Variants in DHX57 observed in about 807,000 individuals in gnomAD.
DHX57 encodes DExH-box helicase 57.
DHX57 carries 105 observed loss-of-function variants against 156.2 expected under a neutral mutation model. That is an observed-to-expected ratio of 0.67 (90% CI 0.57 to 0.79). The LOEUF (loss-of-function observed/expected upper bound fraction) is 0.79. DHX57 is among the 30% of genes least tolerant of loss of function. DHX57 has a pLI of 0.00. For missense variants in DHX57, 1,847 were observed against 1,661.9 expected, an observed-to-expected ratio of 1.11 and a Z score of -1.94; for synonymous variants, 704 against 595.6, an observed-to-expected ratio of 1.18 and a Z score of -2.65.
At chr2:38,846,616 C>CA (rs11377588) in intron 11 of DHX57, among the ~76,000 whole-genome samples, 43,564 of 113,472 alleles carry the variant, frequency 0.38, 7,115 homozygotes, top group Admixed American at 0.43. Flanking sequence ...GACTCTATCT[C>CA]AAAAAAAAAA....
At chr2:38,814,861 T>G (rs1670445717) in intron 20 of DHX57, among the ~76,000 whole-genome samples, 1 of 151,680 alleles carries the variant, frequency 6.6e-6, no homozygotes, top group Non-Finnish European at 1.5e-5. Flanking sequence ...TAGCTGGGAT[T>G]ACAGGCATGT....
At chr2:38,840,146 T>A (rs1327525163) in intron 12 of DHX57, among the ~76,000 whole-genome samples, 1 of 152,088 alleles carries the variant, frequency 6.6e-6, no homozygotes, top group Non-Finnish European at 1.5e-5. Flanking sequence ...GGCAGCACCA[T>A]GTTGCCCAGG....
At chr2:38,803,945 C>T (rs763585226) in intron 22 of DHX57, among the ~76,000 whole-genome samples, 11 of 151,696 alleles carry the variant, frequency 7.3e-5, no homozygotes, top group South Asian at 4.2e-4. Flanking sequence ...TCACACCTGG[C>T]GAATTTTTGT....
intron 8 of DHX57, 105 bp from the exon 9 acceptor site, chr2:38,854,283 A>G (rs1469268038): frequency 1.7e-6 from 2 of 1,192,160 alleles, no homozygotes; most frequent in African/African-American, 3.1e-5. Context: ...TATTGGAAAC[A>G]CCAGCAGTTC....
chr2:38,845,248 G>A (rs1420206390), intron 11 of DHX57, among the ~76,000 whole-genome samples: 1 of 151,816 alleles, frequency 6.6e-6, no homozygotes, highest in African/African-American at 2.4e-5. Context: ...TATTCTGGAA[G>A]CAGTGAGTTT....
chr2:38,853,960 C>T, intron 9 of DHX57, 94 bp downstream of exon 9: 2 of 1,248,956 alleles, frequency 1.6e-6, no homozygotes, highest in Non-Finnish European at 2.2e-6. Flanking sequence ...CCATTACTAG[C>T]TGCATGAAAC....
intron 2 of DHX57, 76 bp from the exon 3 acceptor site, chr2:38,863,595 A>T (rs955928010): frequency 7.5e-7 from 1 of 1,334,860 alleles, no homozygotes; most frequent in Non-Finnish European, 1.0e-6. Context: ...GGGTCCCCAG[A>T]TATACACAAT....
chr2:38,822,674 C>T (rs1424580110), intron 17 of DHX57, among the ~76,000 whole-genome samples: 3 of 152,200 alleles, frequency 2.0e-5, no homozygotes, highest in African/African-American at 4.8e-5. Flanking sequence ...GGATTACAGG[C>T]ATAAGCCACC....
rs79063897 is a variant in DHX57 at position 38,871,314 on chromosome 2, G to A, written c.-6-2903C>T. Among the ~76,000 whole-genome samples the A allele has an allele frequency of 2.6e-5, 4 of 152,260 alleles. No individual in the cohort carries two copies. In the East Asian group the frequency reaches 7.7e-4, roughly 29 times the overall value. ...GTATGTAATATATTTGCCAATAACA[G>A]CACAAAGAAGATTGGTGGGAGCGTA... On this transcript the variant is annotated intron_variant, in intron 1 of 23. Transcript: ENST00000457308.
At chr2:38,813,463 C>A (rs534940127) in intron 21 of DHX57, among the ~76,000 whole-genome samples, 1 of 151,318 alleles carries the variant, frequency 6.6e-6, no homozygotes, top group East Asian at 2.0e-4. Flanking sequence ...CTCCGACTCC[C>A]GGGTTCATGC....
chr2:38,836,972 C>T (rs1292870688), intron 13 of DHX57, among the ~76,000 whole-genome samples: 2 of 152,076 alleles, frequency 1.3e-5, no homozygotes, highest in Admixed American at 6.5e-5. Context: ...CCCACTCCAA[C>T]CCCTTGCTGG....
Position 38,847,032 on chromosome 2 carries a change from T to C in DHX57, c.2206A>G (p.Ile736Val), listed in dbSNP as rs991117219. Residue 736 changes from isoleucine to valine, a missense_variant, in exon 11 of 24, where the codon ATT becomes GTT. By Grantham distance (29) the Ile-to-Val change is conservative. Transcript: ENST00000457308. ...TATCTTCCTTACCTTGTCACAGCAA[T>C]TGCATCTTCCAAAAAAAATTGATCA... ...PVDQFFLEDAIAVTRYVLQDG... is the reference protein window; with the variant it reads ...PVDQFFLEDAVAVTRYVLQDG... 4.3e-6 allele frequency: 7 copies of C among 1,613,156 alleles called. No homozygotes were observed. Among genetic ancestry groups the C allele is most frequent in the Admixed American group, 3.3e-5 (2 of 59,950 alleles).
At chr2:38,856,566 C>G (rs1487283998) in intron 6 of DHX57, 105 bp from the exon 7 acceptor site, 5 of 1,377,550 alleles carry the variant, frequency 3.6e-6, no homozygotes, top group African/African-American at 1.5e-5. Context: ...TGCAGTGGTG[C>G]GATCACGGCT....
intron 12 of DHX57, among the ~76,000 whole-genome samples, chr2:38,840,544 C>T (rs1295248537): frequency 6.7e-6 from 1 of 149,970 alleles, no homozygotes; most frequent in Non-Finnish European, 1.5e-5. Context: ...CCACACCTGG[C>T]TAATTTTTGT....
At position 38,861,596 on chromosome 2, in the gene DHX57, A is replaced by C; in HGVS notation, c.814T>G (p.Trp272Gly). 1 of 1,614,214 alleles carries C rather than the reference A, an allele frequency of 6.2e-7. No individual in the cohort carries two copies. The highest frequency in any genetic ancestry group is 8.5e-7 in the Non-Finnish European group (1 of 1,180,042). Reference sequence around the variant, plus strand: ...TACTCCAGTTCTAACCCAATGGTCCAGACTCTGTTCTGAATTCTTTCTATA... The same window carrying C: ...TACTCCAGTTCTAACCCAATGGTCCCGACTCTGTTCTGAATTCTTTCTATA... ...KFIERIQNRV[W>G]TIGLELEYLT... Residue 272 changes from tryptophan (W) to glycine (G), a missense_variant, in exon 5 of 24, where the codon TGG (tryptophan) becomes GGG (glycine). Physicochemically the swap from Trp to Gly is radical, Grantham distance 184 (BLOSUM62 -2). Transcript: ENST00000457308.
At chr2:38,798,493 G>C (rs962049393) in intron 23 of DHX57, 51 bp from the exon 24 acceptor site, 1 of 1,527,618 alleles carries the variant, frequency 6.5e-7, no homozygotes, top group African/African-American at 1.4e-5. Flanking sequence ...AGGCAGGATA[G>C]GTTATTGGAG....
chr2:38,874,117 G>A (rs1445563487), intron 1 of DHX57, among the ~76,000 whole-genome samples: 1 of 151,596 alleles, frequency 6.6e-6, no homozygotes, highest in Non-Finnish European at 1.5e-5. Context: ...TTTGAGACTG[G>A]ATCTTGCTCT....
intron 7 of DHX57, 143 bp from the exon 8 acceptor site, chr2:38,855,395 TG>T (rs1672846638): frequency 4.7e-6 from 4 of 859,006 alleles, no homozygotes; most frequent in Non-Finnish European, 7.5e-6. Context: ...AACAACCTCC[TG>T]ACTTATTACC....
rs1558345477 is a variant in DHX57 at position 38,798,154 on chromosome 2, T to A, written c.*145A>T. The A allele has an allele frequency of 9.2e-7, 1 of 1,086,786 alleles. No homozygotes were observed. 67.3% of individuals were successfully genotyped at this position (1,086,786 alleles called of 1,614,324 possible). On this transcript the variant is annotated 3_prime_UTR_variant, in exon 24 of 24. Coordinates refer to ENST00000457308, the MANE Select transcript of DHX57 (RefSeq NM_198963.3). ...GAAATGGCCCTAAGGGTATATACAC[T>A]GCCTCAGCTGCCTTGGGCTTCATGC...
Sources: allele counts gnomAD v4.1 joint callset (sites outside exome capture counted in the v4.1 genomes callset), GRCh38; gene constraint gnomAD v4.1.1; transcripts MANE v1.5; gene names NCBI Gene and HGNC (gene_info 2026-07-23, HGNC 2026-07-21).